SVIL: variants seen among roughly 807,000 people sequenced by gnomAD.
SVIL encodes the protein archvillin.
In SVIL, 101 loss-of-function variants were observed where a neutral mutation model predicts 240.4. That is an observed-to-expected ratio of 0.42 (90% CI 0.36 to 0.50). The LOEUF (loss-of-function observed/expected upper bound fraction) is 0.50. SVIL is among the 20% of genes least tolerant of loss of function. SVIL has a pLI of 0.01. For synonymous variants in SVIL, 999 were observed against 1,100.0 expected, an observed-to-expected ratio of 0.91 and a Z score of 1.82; for missense variants, 2,512 against 2,818.7, an observed-to-expected ratio of 0.89 and a Z score of 2.46.
At chr10:29,583,024 C>G (rs1165969781) in intron 1 of SVIL, among the ~76,000 whole-genome samples, 1 of 152,142 alleles carries the variant, frequency 6.6e-6, no homozygotes, top group Non-Finnish European at 1.5e-5. Flanking sequence ...TGAGTCGTCA[C>G]AGAGGAGAAT....
At chr10:29,620,844 C>T (rs1957605114) in intron 1 of SVIL, among the ~76,000 whole-genome samples, 1 of 152,202 alleles carries the variant, frequency 6.6e-6, no homozygotes, top group Non-Finnish European at 1.5e-5. Context: ...GTCTCAAACT[C>T]CTGACCTCGT....
chr10:29,672,581 G>A (rs115900537), intron 2 of SVIL, among the ~76,000 whole-genome samples: 178 of 152,228 alleles, frequency 1.2e-3, no homozygotes, highest in South Asian at 9.1e-3. Context: ...ATAAAATTAC[G>A]CACATAAGTG....
intron 1 of SVIL, among the ~76,000 whole-genome samples, chr10:29,570,675 T>G (rs1955360283): frequency 6.6e-6 from 1 of 152,222 alleles, no homozygotes; most frequent in Non-Finnish European, 1.5e-5. Flanking sequence ...GTGCAGCACA[T>G]CTAGCATTTG....
chr10:29,565,223 A>G (rs2478098), intron 2 of SVIL, among the ~76,000 whole-genome samples: 1,891 of 152,346 alleles, frequency 0.012, 19 homozygotes, highest in Non-Finnish European at 0.02. Context: ...AAAGCTCAAT[A>G]GAGCCACTAA....
At chr10:29,680,259 G>C (rs117620321) in intron 2 of SVIL, among the ~76,000 whole-genome samples, 1 of 152,124 alleles carries the variant, frequency 6.6e-6, no homozygotes, top group Non-Finnish European at 1.5e-5. Flanking sequence ...TCTCATAGGC[G>C]TTCTGTCCAC....
intron 3 of SVIL, among the ~76,000 whole-genome samples, chr10:29,643,410 G>C (rs1958551169): frequency 6.6e-6 from 1 of 152,126 alleles, no homozygotes; most frequent in African/African-American, 2.4e-5. Context: ...GATGGAACCA[G>C]ACTTGGAATC....
intron 1 of SVIL, among the ~76,000 whole-genome samples, chr10:29,571,178 T>A (rs1464187833): frequency 6.6e-6 from 1 of 152,296 alleles, no homozygotes; most frequent in African/African-American, 2.4e-5. Context: ...GTGCCTATGG[T>A]ACAGGAGAAG....
chr10:29,636,515 A>G (rs1440741271), upstream of SVIL, among the ~76,000 whole-genome samples: 2 of 152,216 alleles, frequency 1.3e-5, no homozygotes, highest in Non-Finnish European at 1.5e-5. Flanking sequence ...TCCTAGATTA[A>G]TACACTGGAG....
At chr10:29,644,053 G>A (rs560042347) in intron 3 of SVIL, 195 of 516,266 alleles carry the variant, frequency 3.8e-4, no homozygotes, top group Middle Eastern at 6.4e-4. Flanking sequence ...GACATGCTCC[G>A]TTTGGGCCAC....
intron 3 of SVIL, among the ~76,000 whole-genome samples, chr10:29,557,100 C>G (rs1273981472): frequency 1.3e-5 from 2 of 152,102 alleles, no homozygotes; most frequent in Middle Eastern, 3.4e-3. Context: ...TTTCTCCCCC[C>G]TCCCTTTCTT....
At chr10:29,581,170 T>C (rs1247253510) in intron 1 of SVIL, among the ~76,000 whole-genome samples, 1 of 152,262 alleles carries the variant, frequency 6.6e-6, no homozygotes, top group Admixed American at 6.5e-5. Flanking sequence ...TTTTGTATGC[T>C]AGCAACAGCC....
chr10:29,563,683 G>A (rs1167081626), intron 2 of SVIL, among the ~76,000 whole-genome samples: 2 of 151,940 alleles, frequency 1.3e-5, no homozygotes, highest in Non-Finnish European at 2.9e-5. Context: ...ACTTGTCTAG[G>A]TGATCTACAC....
intron 3 of SVIL, among the ~76,000 whole-genome samples, chr10:29,647,695 A>C (rs1456687884): frequency 1.3e-5 from 2 of 151,934 alleles, no homozygotes; most frequent in African/African-American, 4.8e-5. Context: ...AGAAGTACAA[A>C]GGTGTATTTC....
intron 1 of SVIL, among the ~76,000 whole-genome samples, chr10:29,708,494 G>T (rs1247402591): frequency 6.6e-6 from 1 of 151,900 alleles, no homozygotes; most frequent in Admixed American, 6.6e-5. Flanking sequence ...GGTGGCGGGC[G>T]CCTGTAATCC....
intron 2 of SVIL, among the ~76,000 whole-genome samples, chr10:29,675,696 T>C (rs1167148689): frequency 1.3e-5 from 2 of 152,092 alleles, no homozygotes; most frequent in African/African-American, 4.8e-5. Flanking sequence ...TTTTCCCCCT[T>C]ATCCACCCTC....
Position 29,685,864 on chromosome 10 carries a change from T to C in SVIL, c.-301+689A>G, listed in dbSNP as rs182097464. Among the ~76,000 whole-genome samples the C allele has an allele frequency of 1.1e-4, 16 of 152,286 alleles. No individual in the cohort carries two copies. In the East Asian group the frequency reaches 3.1e-3, roughly 30 times the overall value. ...GTCCCTTGGCTGAGAGGATGTTCCA[T>C]TCAGTCACTTGGCTTAGAATTTAAT... On this transcript the variant is annotated intron_variant, in intron 2 of 35. Transcript: ENST00000375400.
At chr10:29,463,353 G>A in intron 35 of SVIL, 139 bp downstream of exon 35, 1 of 1,117,016 alleles carries the variant, frequency 9.0e-7, no homozygotes. Context: ...GGAAAAAATT[G>A]GTTTCATCAC....
chr10:29,542,548 G>A (rs1952255891), intron 6 of SVIL, among the ~76,000 whole-genome samples: 2 of 151,932 alleles, frequency 1.3e-5, no homozygotes, highest in Admixed American at 6.6e-5. Flanking sequence ...ATTTCTGTGG[G>A]TACATAGCAA....
intron 1 of SVIL, among the ~76,000 whole-genome samples, chr10:29,725,020 C>A (rs1303196886): frequency 7.5e-6 from 1 of 133,340 alleles, no homozygotes; most frequent in African/African-American, 3.0e-5. Context: ...CAGAGTGAGA[C>A]CCGGTCTCAA....
Sources: gnomAD v4.1 joint callset for allele counts (sites outside exome capture counted in the v4.1 genomes callset) on GRCh38, gnomAD v4.1.1 for gene constraint, MANE v1.5 for transcripts, NCBI Gene and HGNC (gene_info 2026-07-23, HGNC 2026-07-21) for gene names.